CENATAC: variants seen among roughly 807,000 people sequenced by gnomAD.
CENATAC encodes coiled-coil domain containing 84.
A neutral mutation model predicts 53.7 loss-of-function variants in CENATAC; 53 were observed. The observed-to-expected ratio is 0.99, with a 90% confidence interval of 0.79 to 1.24. The LOEUF (loss-of-function observed/expected upper bound fraction) is 1.24. Ranked by LOEUF, CENATAC falls within the 50% of genes most tolerant of loss-of-function variation. The pLI, the probability that CENATAC is intolerant of heterozygous loss-of-function variation, is 0.00. For synonymous variants in CENATAC, 156 were observed against 144.6 expected (o/e 1.08, Z -0.57); for missense variants, 474 against 417.8 (o/e 1.13, Z -1.17).
At chr11:119,012,283 GC>G in intron 7 of CENATAC, 29 bp downstream of exon 7, 1 of 1,611,034 alleles carries the variant, frequency 6.2e-7, no homozygotes, top group Non-Finnish European at 8.5e-7. Context: ...CCAGAAGAGG[GC>G]CAATGGTCCC....
At chr11:119,002,026 C>T (rs1942323004) in intron 3 of CENATAC, among the ~76,000 whole-genome samples, 2 of 151,812 alleles carry the variant, frequency 1.3e-5, no homozygotes, top group South Asian at 4.2e-4. Flanking sequence ...GAGTTCGAGA[C>T]CAGCTTGGTC....
chr11:119,014,958 TAA>T (rs10680026), intron 8 of CENATAC, 34 bp from the exon 9 acceptor site: 21,440 of 1,140,398 alleles, frequency 0.019, no homozygotes, highest in East Asian at 0.026. Flanking sequence ...CCTGAAGACT[TAA>T]AAAAAAAAAA....
At chr11:119,013,523 G>A (rs1213934111) in intron 8 of CENATAC, among the ~76,000 whole-genome samples, 2 of 150,468 alleles carry the variant, frequency 1.3e-5, no homozygotes, top group African/African-American at 4.9e-5. Context: ...GAGTGCAGTG[G>A]CGGGATCTCG....
intron 7 of CENATAC, 71 bp downstream of exon 7, chr11:119,012,325 TCTAC>T (rs1565669241): frequency 6.5e-7 from 1 of 1,546,432 alleles, no homozygotes; most frequent in Non-Finnish European, 8.8e-7. Context: ...CTCCTGATTT[TCTAC>T]CTATTCAAGC....
At chr11:119,014,200 A>C (rs1030025508) in intron 8 of CENATAC, 1 of 152,282 alleles carries the variant, frequency 6.6e-6, no homozygotes, top group Admixed American at 6.5e-5. Context: ...AACAATTCAG[A>C]TGTCTATCAA....
rs1370721569 is a variant in CENATAC at position 119,015,702 on chromosome 11, TACTC to T, written c.*106_*109del. ...CATTGTCTTTCTTAGGAAACAGACA[TACTC>T]ATTCATTTGATTTAATAAAGTTTTA... On this transcript the variant is annotated 3_prime_UTR_variant, in exon 11 of 11. Transcript: ENST00000334418. 3.8e-6 allele frequency: 5 copies of T among 1,317,178 alleles called. No individual in the cohort carries two copies. Among genetic ancestry groups the T allele is most frequent in the East Asian group, 2.3e-5 (1 of 43,134 alleles). 81.6% of individuals were successfully genotyped at this position (1,317,178 alleles called of 1,614,324 possible). A position where few individuals can be genotyped will look rare whatever the true frequency, so the allele number is the denominator to read the frequency against.
At chr11:119,015,134 T>A in intron 9 of CENATAC, 51 bp downstream of exon 9, 1 of 1,527,292 alleles carries the variant, frequency 6.5e-7, no homozygotes, top group South Asian at 1.2e-5. Context: ...CACTCAAAAA[T>A]GGTTTCCTTG....
At chr11:119,005,203 A>C (rs566228292) in intron 3 of CENATAC, among the ~76,000 whole-genome samples, 1 of 152,196 alleles carries the variant, frequency 6.6e-6, no homozygotes, top group East Asian at 1.9e-4. Flanking sequence ...ACGATGGCTC[A>C]TGCCTGTAAT....
At chr11:119,014,952 AAG>A in intron 8 of CENATAC, 40 bp from the exon 9 acceptor site, 3 of 1,240,004 alleles carry the variant, frequency 2.4e-6, no homozygotes, top group Non-Finnish European at 2.3e-6. Flanking sequence ...CAATAGCCTG[AAG>A]ACTTAAAAAA....
In CENATAC at chr11:118,998,180, A is replaced by T; in HGVS notation, c.-18A>T. On this transcript the variant is annotated 5_prime_UTR_variant, in exon 1 of 11. Transcript: ENST00000334418. ...GTAGGATCGGCCGCTGGTGGTGGTG[A>T]TACCGGGTACCCGGGCTATGGCGCC... is the stretch of plus-strand genomic sequence containing the variant. 6.4e-7 allele frequency: 1 copy of T among 1,572,588 alleles called. No individual in the cohort carries two copies.
chr11:119,012,167 A>C lies in CENATAC; in HGVS notation c.597A>C (p.Leu199Phe), dbSNP rs782524411. 1.3e-5 allele frequency: 21 copies of C among 1,614,050 alleles called. No individual in the cohort carries two copies. The highest frequency in any genetic ancestry group is 1.1e-4 in the South Asian group (10 of 91,086). ...KGMNSQVASSLQQPSNLDLPP... is the reference protein window; with the variant it reads ...KGMNSQVASSFQQPSNLDLPP... The stretch of plus-strand genomic sequence containing the variant: ...TTTTCAGCCAAGTAGCTTCCAGCTT[A>C]CAGCAGCCCTCAAATTTGGACCTGC... Residue 199 changes from leucine to phenylalanine, a missense_variant, in exon 7 of 11, where the codon TTA becomes TTC. Leu to Phe is a conservative substitution (Grantham distance 22, BLOSUM62 0). Transcript: ENST00000334418.
At chr11:119,007,286 T>C (rs926380827) in intron 3 of CENATAC, among the ~76,000 whole-genome samples, 1 of 151,792 alleles carries the variant, frequency 6.6e-6, no homozygotes, top group Admixed American at 6.6e-5. Context: ...CAGGTTCAAG[T>C]GATTCTCCTG....
At chr11:119,015,161 C>T (rs949710038) in intron 9 of CENATAC, 78 bp downstream of exon 9, 4 of 1,462,222 alleles carry the variant, frequency 2.7e-6, no homozygotes, top group South Asian at 1.2e-5. Context: ...TGTGGTGGCT[C>T]ATGGCTATAA....
chr11:119,006,676 C>T (rs907951835), intron 3 of CENATAC, among the ~76,000 whole-genome samples: 2 of 152,188 alleles, frequency 1.3e-5, no homozygotes, highest in African/African-American at 4.8e-5. Context: ...GCTTAGTCCA[C>T]CTATTTCTAA....
intron 1 of CENATAC, 50 bp from the exon 2 acceptor site, chr11:118,998,380 G>C: frequency 1.2e-6 from 2 of 1,612,114 alleles, no homozygotes; most frequent in Non-Finnish European, 1.7e-6. Flanking sequence ...GCCAGAGCGG[G>C]TGTGATTTGG....
At chr11:119,012,575 G>C (rs921315076) in intron 7 of CENATAC, 1 of 242,542 alleles carries the variant, frequency 4.1e-6, no homozygotes, top group Non-Finnish European at 8.1e-6. Context: ...ATCACTAGAT[G>C]CAGATCCTTT....
chr11:119,001,988 C>T (rs1942320702), intron 3 of CENATAC, among the ~76,000 whole-genome samples: 1 of 151,780 alleles, frequency 6.6e-6, no homozygotes, highest in South Asian at 2.1e-4. Context: ...CTTTGGGAGG[C>T]CGAGGTGGGA....
intron 3 of CENATAC, chr11:118,999,415 C>T (rs782620070): frequency 1.2e-5 from 3 of 253,490 alleles, no homozygotes; most frequent in Non-Finnish European, 1.5e-5. Flanking sequence ...TAAGAAACTG[C>T]TGCTCAGCCA....
intron 3 of CENATAC, among the ~76,000 whole-genome samples, chr11:119,000,070 C>T (rs1471519767): frequency 6.6e-6 from 1 of 152,212 alleles, no homozygotes; most frequent in Non-Finnish European, 1.5e-5. Flanking sequence ...AGCCACCATG[C>T]CTGGTCTCAA....
Sources: gnomAD v4.1 joint callset for allele counts (sites outside exome capture counted in the v4.1 genomes callset) on GRCh38, gnomAD v4.1.1 for gene constraint, MANE v1.5 for transcripts, NCBI Gene and HGNC (gene_info 2026-07-23, HGNC 2026-07-21) for gene names.